EVPLL: variants seen among roughly 807,000 people sequenced by gnomAD.
EVPLL encodes envoplakin like, also known as envoplakin-like protein.
EVPLL carries 39 observed loss-of-function variants against 46.2 expected under a neutral mutation model. The observed-to-expected ratio is 0.84, with a 90% confidence interval of 0.65 to 1.10. The LOEUF is 1.10. Ranked by LOEUF, EVPLL falls within the 50% of genes least tolerant of loss-of-function variation. EVPLL has a pLI of 0.00. For missense variants in EVPLL, 385 were observed against 412.6 expected (o/e 0.93, Z 0.58); for synonymous variants, 156 against 165.8 (o/e 0.94, Z 0.46).
Position 18,381,370 on chromosome 17 carries a change from C to T in EVPLL, c.67C>T (p.Arg23Trp), listed in dbSNP as rs778705471. The change falls in exon 3 of 11, where the codon CGG (arginine) becomes TGG (tryptophan). Residue 23 changes from arginine (R) to tryptophan (W), a missense_variant. By Grantham distance (101) the Arg-to-Trp change is moderately radical (BLOSUM62 -3). Coordinates refer to ENST00000399134, the MANE Select transcript of EVPLL (RefSeq NM_001145127.2). The surrounding 1 kb of genome is among the most constrained non-coding windows in gnomAD (Gnocchi z 4.2). ...LETQKRLQQD[R>W]LNSEQSQALQ... ...TCTGCCCATCCCCTGCCCACAGGAC[C>T]GGCTGAACAGTGAGCAGAGCCAGGC... is the stretch of plus-strand genomic sequence containing the variant. 9 of 1,560,006 alleles carry T rather than the reference C, an allele frequency of 5.8e-6. No individual in the cohort carries two copies. In the East Asian group the frequency reaches 1.4e-4, roughly 25 times the overall value.
At chr17:18,382,285 G>A (rs1317001154) in intron 4 of EVPLL, 1 of 462,098 alleles carries the variant, frequency 2.2e-6, no homozygotes, top group South Asian at 2.3e-5. Flanking sequence ...CCAGCGTCTG[G>A]GAACCAGTGG....
chr17:18,381,754 C>G lies in EVPLL; in HGVS notation c.346+24C>G. The stretch of plus-strand genomic sequence containing the variant: ...AGGTCAGGAGCTCAAAGTCACACCC[C>G]AGTGTGATCAGAGGGTGATACGGAA... On this transcript the variant is annotated intron_variant, in intron 4 of 10. Transcript: ENST00000399134. This position sits in a 1 kb window ranked among gnomAD's most constrained non-coding sequence, Gnocchi z 4.2. The G allele has an allele frequency of 1.2e-6, 2 of 1,614,002 alleles. No homozygotes were observed. Among genetic ancestry groups the G allele is most frequent in the East Asian group, 4.5e-5 (2 of 44,876 alleles).
At position 18,381,657 on chromosome 17, in the gene EVPLL, G is replaced by A. The variant is rs779378765; in HGVS notation, c.273G>A (p.Leu91=). ...VTQECAEYCA[L]YEKMVLPPRR... ...AGGAGTGTGCGGAGTACTGTGCCCTGTACGAGAAGATGGTGCTGCCGCCCC... is the reference window on the plus strand; with the variant it reads ...AGGAGTGTGCGGAGTACTGTGCCCTATACGAGAAGATGGTGCTGCCGCCCC... Residue 91 remains leucine (L), a synonymous_variant, in exon 4 of 11, where the codon CTG becomes CTA. Coordinates refer to ENST00000399134, the MANE Select transcript of EVPLL (RefSeq NM_001145127.2). This position sits in a 1 kb window ranked among gnomAD's most constrained non-coding sequence, Gnocchi z 4.2. 5.6e-6 allele frequency: 9 copies of A among 1,614,186 alleles called. No homozygotes were observed. The highest frequency in any genetic ancestry group is 7.6e-6 in the Non-Finnish European group (9 of 1,180,030).
chr17:18,388,834 A>T (rs1987858996), intron 10 of EVPLL, 23 bp from the exon 11 acceptor site: 1 of 151,472 alleles, frequency 6.6e-6, no homozygotes. Flanking sequence ...AAACCTGCTC[A>T]GTGACCCTTT....
intron 7 of EVPLL, 26 bp from the exon 8 acceptor site, chr17:18,383,245 C>A: frequency 6.4e-7 from 1 of 1,558,510 alleles, no homozygotes; most frequent in African/African-American, 1.4e-5. Flanking sequence ...GTCCTCACCG[C>A]CGCTCCCCAC....
intron 1 of EVPLL, among the ~76,000 whole-genome samples, chr17:18,378,885 C>G (rs1237509320): frequency 6.6e-6 from 1 of 151,858 alleles, no homozygotes; most frequent in African/African-American, 2.4e-5. Context: ...GGAGACCAGC[C>G]TGGGCAACAT....
Position 18,382,977 on chromosome 17 carries a change from C to A in EVPLL, c.512-48C>A, listed in dbSNP as rs761282232. 2.6e-6 allele frequency: 4 copies of A among 1,564,894 alleles called. No individual in the cohort carries two copies. In the South Asian group the frequency reaches 4.7e-5, roughly 18 times the overall value. ...CCGCCCAATGGCGCCTTTTGCCCCC[C>A]ACTTTCTCTCTCCCCACCCTGCTGC... is the stretch of plus-strand genomic sequence containing the variant. On this transcript the variant is annotated intron_variant, in intron 6 of 10. Coordinates refer to ENST00000399134, the MANE Select transcript of EVPLL (RefSeq NM_001145127.2).
chr17:18,382,702 C>T (rs1598096608), intron 5 of EVPLL, 64 bp downstream of exon 5: 1 of 1,553,716 alleles, frequency 6.4e-7, no homozygotes, highest in African/African-American at 1.4e-5. Flanking sequence ...CCAGTCAGAG[C>T]CGGAGCTAGA....
At position 18,380,914 on chromosome 17, in the gene EVPLL, G is replaced by T. The variant is rs764640271; in HGVS notation, c.-24G>T. 10 of 1,575,848 alleles carry T rather than the reference G, an allele frequency of 6.3e-6. No homozygotes were observed. The Admixed American group carries it at 1.5e-4, about 23-fold the overall frequency. ...TCCACCCACCAAGAATGCCACCCAG[G>T]AGCTGACCCTGCTCATCTCCCACAT... On this transcript the variant is annotated 5_prime_UTR_variant, in exon 2 of 11. Coordinates refer to ENST00000399134, the MANE Select transcript of EVPLL (RefSeq NM_001145127.2).
intron 10 of EVPLL, 52 bp downstream of exon 10, chr17:18,388,340 G>A (rs1987844167): frequency 6.2e-6 from 5 of 803,362 alleles, no homozygotes; most frequent in South Asian, 6.2e-5. Context: ...GTTGTCTGGG[G>A]ACAGTCCTCC....
At chr17:18,386,116 G>A (rs1987755976) in intron 9 of EVPLL, among the ~76,000 whole-genome samples, 1 of 152,156 alleles carries the variant, frequency 6.6e-6, no homozygotes, top group African/African-American at 2.4e-5. Flanking sequence ...CCAAGATCAA[G>A]GTGTCGGCAG....
At position 18,381,469 on chromosome 17, in the gene EVPLL, G is replaced by T. The variant is rs745539671; in HGVS notation, c.166G>T (p.Val56Leu). The T allele has an allele frequency of 6.2e-7, 1 of 1,613,840 alleles. No individual in the cohort carries two copies. Among genetic ancestry groups the T allele is most frequent in the Non-Finnish European group, 8.5e-7 (1 of 1,179,974 alleles). Reference sequence around the variant, plus strand: ...GCTGCTCAAGGACCTCTTCCTGGACGTGGACAAGGCCCGGCGGCTCAAGCA... The same window carrying T: ...GCTGCTCAAGGACCTCTTCCTGGACTTGGACAAGGCCCGGCGGCTCAAGCA... ...EVLLKDLFLD[V>L]DKARRLKHPQ... is the part of the protein sequence containing the mutation. Residue 56 changes from valine to leucine, a missense_variant, in exon 3 of 11, where the codon GTG (valine) becomes TTG (leucine). Physicochemically the swap from Val to Leu is conservative, Grantham distance 32. Transcript: ENST00000399134. The surrounding 1 kb of genome is among the most constrained non-coding windows in gnomAD (Gnocchi z 4.2).
At chr17:18,388,551 C>CA (rs1987850995) in intron 10 of EVPLL, 1 of 251,268 alleles carries the variant, frequency 4.0e-6, no homozygotes, top group Admixed American at 5.4e-5. Context: ...TGTGAGGCCA[C>CA]ATCACTGCCC....
intron 1 of EVPLL, chr17:18,380,692 C>A (rs1987534145): frequency 3.7e-6 from 2 of 547,662 alleles, no homozygotes; most frequent in Admixed American, 3.1e-5. Flanking sequence ...GAGACCCTCA[C>A]CTTTTGACCC....
At chr17:18,382,930 C>G in intron 6 of EVPLL, 66 bp downstream of exon 6, 2 of 1,595,216 alleles carry the variant, frequency 1.3e-6, no homozygotes, top group Non-Finnish European at 1.7e-6. Context: ...CGGACCCTGC[C>G]CGGGGCCAGT....
intron 1 of EVPLL, among the ~76,000 whole-genome samples, chr17:18,378,559 C>A (rs1217528952): frequency 6.6e-6 from 1 of 152,166 alleles, no homozygotes; most frequent in Non-Finnish European, 1.5e-5. Context: ...CGCCTATAAT[C>A]CCTGACTTTA....
Position 18,385,288 on chromosome 17 carries a change from C to T in EVPLL, c.876+1701C>T, listed in dbSNP as rs1314405761. On this transcript the variant is annotated intron_variant, in intron 9 of 10. Transcript: ENST00000399134. Reference sequence around the variant, plus strand: ...CTGAGTCATCCTGTCTATCACCTTCCTGGGCTCATGGCTCCACTGAACGCT... The same window carrying T: ...CTGAGTCATCCTGTCTATCACCTTCTTGGGCTCATGGCTCCACTGAACGCT... Among the ~76,000 whole-genome samples, 3 of 92,058 alleles carry T rather than the reference C, an allele frequency of 3.3e-5. 1 individual carries two copies. Among genetic ancestry groups the T allele is most frequent in the Non-Finnish European group, 7.1e-5 (3 of 42,094 alleles). The allele number at this position is 92,058 out of a possible 152,430, so 60.4% of individuals were successfully genotyped here. A position where few individuals can be genotyped will look rare whatever the true frequency, so the allele number is the denominator to read the frequency against.
rs8071911 is a variant in EVPLL at position 18,382,353 on chromosome 17, C to T, written c.347-160C>T. On this transcript the variant is annotated intron_variant, in intron 4 of 10. Coordinates refer to ENST00000399134, the MANE Select transcript of EVPLL (RefSeq NM_001145127.2). ...GTGGCCACCCTGCAGAGCAGAATGG[C>T]TCACCCTGGGTGAGCTGCAGGGCGT... The T allele has an allele frequency of 0.013, 12,500 of 941,780 alleles. 681 individuals carry two copies. In the African/African-American group the frequency reaches 0.14, roughly 11 times the overall value. 58.3% of individuals were successfully genotyped at this position (941,780 alleles called of 1,614,324 possible). A position where few individuals can be genotyped will look rare whatever the true frequency, so the allele number is the denominator to read the frequency against.
rs1987552394 is a variant in EVPLL at position 18,381,077 on chromosome 17, CCT to C, written c.63+78_63+79del. On this transcript the variant is annotated intron_variant, in intron 2 of 10. Transcript: ENST00000399134. This position sits in a 1 kb window ranked among gnomAD's most constrained non-coding sequence, Gnocchi z 4.2. The stretch of plus-strand genomic sequence containing the variant: ...AGGCCCATCATCAGGCCTGGCACTC[CCT>C]GAGTGCCCCCTGGTGATGGTGAAGA... 1.4e-5 allele frequency: 20 copies of C among 1,474,698 alleles called. No individual in the cohort carries two copies. In the South Asian group the frequency reaches 2.2e-4, roughly 16 times the overall value. The allele number at this position is 1,474,698 out of a possible 1,614,324, so 91.4% of individuals were successfully genotyped here. A position where few individuals can be genotyped will look rare whatever the true frequency, so the allele number is the denominator to read the frequency against.
Sources: allele counts gnomAD v4.1 joint callset (sites outside exome capture counted in the v4.1 genomes callset), GRCh38; gene constraint gnomAD v4.1.1; non-coding constraint Gnocchi (gnomAD v3.1); transcripts MANE v1.5; gene names NCBI Gene and HGNC (gene_info 2026-07-23, HGNC 2026-07-21).